The following CRTC1 variants were observed in gnomAD, a reference collection of about 807,000 sequenced individuals.
The protein encoded by CRTC1 is CREB regulated transcription coactivator 1, also known as CREB-regulated transcription coactivator 1.
Under a neutral mutation model 66.1 loss-of-function variants are expected in CRTC1, and 18 were observed. The observed-to-expected ratio is 0.27, with a 90% CI of 0.19 to 0.40. The LOEUF is 0.40. CRTC1 is among the 10% of genes least tolerant of loss of function. CRTC1 has a pLI of 1.00. For missense variants in CRTC1, 669 were observed against 887.9 expected (o/e 0.75, Z 3.13); for synonymous variants, 416 against 398.8 (o/e 1.04, Z -0.51).
intron 8 of CRTC1, among the ~76,000 whole-genome samples, chr19:18,761,472 G>A (rs1413860410): frequency 6.6e-6 from 1 of 152,162 alleles, no homozygotes; most frequent in Non-Finnish European, 1.5e-5. Flanking sequence ...AGAATGAACC[G>A]GCCCCGGCCC....
chr19:18,748,501 T>C (rs550295124), intron 4 of CRTC1, among the ~76,000 whole-genome samples: 1 of 141,818 alleles, frequency 7.1e-6, no homozygotes, highest in African/African-American at 2.6e-5. Flanking sequence ...TTACAGGACA[T>C]GAGCCACTGT....
intron 1 of CRTC1, among the ~76,000 whole-genome samples, chr19:18,690,479 C>T (rs557528250): frequency 8.3e-4 from 127 of 152,260 alleles, no homozygotes; most frequent in African/African-American, 3.0e-3. Flanking sequence ...GGCAAGCTGC[C>T]CTCATCCTCA....
chr19:18,751,104 G>T (rs1369126134), intron 5 of CRTC1, among the ~76,000 whole-genome samples: 2 of 152,162 alleles, frequency 1.3e-5, no homozygotes, highest in Non-Finnish European at 2.9e-5. Flanking sequence ...ACAGGGCTGG[G>T]GTTGGCCTGG....
At chr19:18,696,937 G>A (rs1190611773) in intron 1 of CRTC1, among the ~76,000 whole-genome samples, 1 of 151,428 alleles carries the variant, frequency 6.6e-6, no homozygotes, top group Non-Finnish European at 1.5e-5. Flanking sequence ...GGGGTGGGGG[G>A]TAGGAGAGTC....
intron 1 of CRTC1, among the ~76,000 whole-genome samples, chr19:18,685,286 T>C (rs2052660995): frequency 6.6e-6 from 1 of 151,824 alleles, no homozygotes; most frequent in Non-Finnish European, 1.5e-5. Context: ...GCCACATCTG[T>C]CCTCCCAGCT....
chr19:18,720,495 G>A (rs946923746), intron 1 of CRTC1, among the ~76,000 whole-genome samples: 10 of 149,796 alleles, frequency 6.7e-5, no homozygotes, highest in African/African-American at 2.5e-4. Flanking sequence ...GACTACAGTC[G>A]CCTGCCACCA....
At chr19:18,693,486 T>G (rs1001412132) in intron 1 of CRTC1, among the ~76,000 whole-genome samples, 2 of 112,910 alleles carry the variant, frequency 1.8e-5, no homozygotes, top group South Asian at 2.3e-4. Flanking sequence ...TTTGTTTTTG[T>G]TTTTTTTTTT....
intron 1 of CRTC1, among the ~76,000 whole-genome samples, chr19:18,716,596 C>T (rs1026173715): frequency 5.9e-5 from 9 of 152,142 alleles, no homozygotes; most frequent in East Asian, 1.9e-4. Flanking sequence ...CAAGCATTAG[C>T]GTGTGGAGAG....
chr19:18,710,223 C>G (rs894247618), intron 1 of CRTC1, among the ~76,000 whole-genome samples: 3 of 152,214 alleles, frequency 2.0e-5, no homozygotes, highest in Non-Finnish European at 2.9e-5. Flanking sequence ...CTCCCACTTC[C>G]TTCCTCCATC....
chr19:18,698,254 CAG>C (rs1199126449), intron 1 of CRTC1, among the ~76,000 whole-genome samples: 1 of 151,786 alleles, frequency 6.6e-6, no homozygotes, highest in Admixed American at 6.6e-5. Context: ...TCAGCAGGCA[CAG>C]TGTGTACTCA....
intron 6 of CRTC1, among the ~76,000 whole-genome samples, chr19:18,754,100 CAA>C (rs35678786): frequency 0.01 from 813 of 80,684 alleles, 6 homozygotes; most frequent in African/African-American, 0.029. Context: ...GACTCCATCT[CAA>C]AAAAAAAAAA....
intron 1 of CRTC1, among the ~76,000 whole-genome samples, chr19:18,723,346 A>G (rs1280087903): frequency 6.6e-6 from 1 of 152,062 alleles, no homozygotes; most frequent in Non-Finnish European, 1.5e-5. Context: ...TACCGTTTGT[A>G]AGTTTGTTGA....
chr19:18,771,252 A>AG lies in CRTC1; in HGVS notation c.1321-188dup, dbSNP rs57641379. 1 allele frequency among the ~76,000 whole-genome samples: 152,232 copies of AG among 152,232 alleles called. 76,116 individuals carry two copies. Among genetic ancestry groups the AG allele is most frequent in the Non-Finnish European group, 1 (67,994 of 67,994 alleles). ...CCTGGGTTCGGGGGCAGCTCCCCGG[A>AG]GGCTCAGGTACCCACCTTTCCTGCA... On this transcript the variant is annotated intron_variant, in intron 10 of 13. Coordinates refer to ENST00000321949, the MANE Select transcript of CRTC1 (RefSeq NM_015321.3). The surrounding 1 kb of genome is among the most constrained non-coding windows in gnomAD (Gnocchi z 4.6).
chr19:18,717,018 CGT>C (rs1474975807), intron 1 of CRTC1, among the ~76,000 whole-genome samples: 2 of 151,914 alleles, frequency 1.3e-5, no homozygotes, highest in Admixed American at 6.6e-5. Flanking sequence ...TGTGTGTGTG[CGT>C]GTGAGCATAT....
intron 1 of CRTC1, among the ~76,000 whole-genome samples, chr19:18,725,145 G>A (rs751781072): frequency 5.9e-5 from 9 of 152,096 alleles, no homozygotes; most frequent in Non-Finnish European, 1.2e-4. Flanking sequence ...AGCACTCTAG[G>A]CCAGCGTCCC....
chr19:18,723,153 C>A (rs2053665625), intron 1 of CRTC1, among the ~76,000 whole-genome samples: 1 of 152,146 alleles, frequency 6.6e-6, no homozygotes, highest in African/African-American at 2.4e-5. Flanking sequence ...GTTGGCCAGG[C>A]TGGTCTCAAA....
At chr19:18,729,962 G>A (rs373666746) in intron 1 of CRTC1, among the ~76,000 whole-genome samples, 1 of 152,232 alleles carries the variant, frequency 6.6e-6, no homozygotes, top group African/African-American at 2.4e-5. Flanking sequence ...GTGGGGTCAC[G>A]CACTGGGTGC....
Position 18,777,192 on chromosome 19 carries a change from G to A in CRTC1, c.1715G>A (p.Ser572Asn). Residue 572 changes from serine to asparagine, a missense_variant, in exon 14 of 14, where the codon AGC becomes AAC. Around this residue, in one of 8 missense-constraint regions of CRTC1, gnomAD observed 91 missense variants for 99.1 expected, o/e 0.92. Transcript: ENST00000321949. This position sits in a 1 kb window ranked among gnomAD's most constrained non-coding sequence, Gnocchi z 5.5. Reference sequence around the variant, plus strand: ...CCAGTGACAGGAGAGTCCCCCCCCAGCCTCTCTAAAGAACTGACCAGCTCT... The same window carrying A: ...CCAGTGACAGGAGAGTCCCCCCCCAACCTCTCTAAAGAACTGACCAGCTCT... ...ILTVTGESPP[S>N]LSKELTSSLA... 1 of 1,553,392 alleles carries A rather than the reference G, an allele frequency of 6.4e-7. No homozygotes were observed. The highest frequency in any genetic ancestry group is 2.4e-5 in the East Asian group (1 of 42,302).
chr19:18,718,065 T>A (rs1231204611), intron 1 of CRTC1, among the ~76,000 whole-genome samples: 1 of 152,174 alleles, frequency 6.6e-6, no homozygotes, highest in Non-Finnish European at 1.5e-5. Context: ...GTTTGGCGCA[T>A]TCACAGTATT....
Sources: gnomAD v4.1 joint callset for allele counts (sites outside exome capture counted in the v4.1 genomes callset) on GRCh38, gnomAD v4.1.1 for gene constraint, gnomAD v4.1.1 regional missense constraint, Gnocchi (gnomAD v3.1) non-coding constraint, MANE v1.5 for transcripts, NCBI Gene and HGNC (gene_info 2026-07-23, HGNC 2026-07-21) for gene names.